The following ATAD5 variants were observed in gnomAD, a reference collection of about 807,000 sequenced individuals.
ATAD5 encodes ATPase family AAA domain containing 5, also known as ATPase family AAA domain-containing protein 5.
In ATAD5, 58 loss-of-function variants were observed where a neutral mutation model predicts 176.9. That is an observed-to-expected ratio of 0.33 (90% CI 0.27 to 0.41). The LOEUF (loss-of-function observed/expected upper bound fraction) is 0.41. Among genes scored for constraint, ATAD5 ranks in the 10% least tolerant of loss-of-function variants. ATAD5 has a pLI of 1.00. For synonymous variants in ATAD5, 640 were observed against 712.6 expected, an observed-to-expected ratio of 0.90 and a Z score of 1.62; for missense variants, 1,789 against 2,094.1, an observed-to-expected ratio of 0.85 and a Z score of 2.84.
intron 11 of ATAD5, 42 bp from the exon 12 acceptor site, chr17:30,868,291 C>G (rs977570927): frequency 3.4e-6 from 5 of 1,476,304 alleles, no homozygotes; most frequent in Non-Finnish European, 4.6e-6. Flanking sequence ...TAAGGCATAG[C>G]TATATTCTGT....
At chr17:30,854,593 A>C (rs1907182856) in intron 6 of ATAD5, among the ~76,000 whole-genome samples, 3 of 151,606 alleles carry the variant, frequency 2.0e-5, no homozygotes, top group Middle Eastern at 3.4e-3. Context: ...GCTGGTCTCA[A>C]ACTCCTGACC....
chr17:30,865,053 G>A (rs749001237), intron 10 of ATAD5: 1 of 149,478 alleles, frequency 6.7e-6, no homozygotes, highest in Non-Finnish European at 1.5e-5. Flanking sequence ...AAACATGTGA[G>A]TACATGTGTC....
intron 10 of ATAD5, 74 bp from the exon 11 acceptor site, chr17:30,865,630 A>ATT: frequency 1.1e-6 from 1 of 878,682 alleles, no homozygotes; most frequent in Non-Finnish European, 1.7e-6. Flanking sequence ...TGTAACAATA[A>ATT]TGTAAATGAC....
chr17:30,845,385 AAAG>A (rs1404550902), intron 6 of ATAD5, among the ~76,000 whole-genome samples: 1 of 152,214 alleles, frequency 6.6e-6, no homozygotes, highest in Non-Finnish European at 1.5e-5. Context: ...TGGTCTGATT[AAAG>A]AAGACTTCAA....
At chr17:30,892,568 A>G (rs767201173) in intron 19 of ATAD5, 39 bp from the exon 20 acceptor site, 1 of 1,387,738 alleles carries the variant, frequency 7.2e-7, no homozygotes, top group Non-Finnish European at 9.6e-7. Context: ...CAATTTGTTT[A>G]ATACATATAT....
Position 30,834,903 on chromosome 17 carries a change from C to T in ATAD5, c.822C>T (p.His274=). 1 of 1,613,562 alleles carries T rather than the reference C, an allele frequency of 6.2e-7. No homozygotes were observed. Among genetic ancestry groups the T allele is most frequent in the South Asian group, 1.1e-5 (1 of 90,912 alleles). ...TVSYEEFLKS[H]KENKVEEIPD... ...CATATGAGGAATTTTTAAAAAGTCA[C>T]AAGGAAAATAAAGTGGAAGAGATAC... Residue 274 remains histidine, a synonymous_variant, in exon 2 of 23, where the codon CAC becomes CAT. Coordinates refer to ENST00000321990, the MANE Select transcript of ATAD5 (RefSeq NM_024857.5).
At chr17:30,891,528 T>C (rs1909638104) in intron 19 of ATAD5, among the ~76,000 whole-genome samples, 2 of 150,430 alleles carry the variant, frequency 1.3e-5, no homozygotes, top group South Asian at 4.2e-4. Flanking sequence ...CGCACCACTA[T>C]GCCCAGCTAA....
chr17:30,879,401 T>TTTG, intron 17 of ATAD5, 22 bp from the exon 18 acceptor site: 5 of 1,352,256 alleles, frequency 3.7e-6, no homozygotes, highest in Non-Finnish European at 5.1e-6. Context: ...TTTTTTTTTT[T>TTTG]TGTGTGTGTG....
intron 6 of ATAD5, among the ~76,000 whole-genome samples, chr17:30,848,455 T>C (rs1906669259): frequency 1.3e-5 from 2 of 152,140 alleles, no homozygotes; most frequent in African/African-American, 4.8e-5. Flanking sequence ...GACAGGGTTT[T>C]GCCATGTTGC....
chr17:30,869,130 T>TA, intron 12 of ATAD5, 118 bp from the exon 13 acceptor site: 1 of 1,246,072 alleles, frequency 8.0e-7, no homozygotes, highest in South Asian at 1.5e-5. Context: ...CCGGCCTGTA[T>TA]AAAGTAATTT....
rs368437560 is a variant in ATAD5 at position 30,893,716 on chromosome 17, G to A, written c.4863G>A (p.Glu1621=). 2 of 1,613,722 alleles carry A rather than the reference G, an allele frequency of 1.2e-6. No homozygotes were observed. Among genetic ancestry groups the A allele is most frequent in the African/African-American group, 1.3e-5 (1 of 74,888 alleles). Residue 1621 remains glutamate (E), a synonymous_variant, in exon 21 of 23, where the codon GAG becomes GAA. Transcript: ENST00000321990. ...CCAGAGACAAAGGAAACAATCCAGA[G>A]ACAAAGAAATCTATTCCTTGTCCTC... ...SKARDKGNNP[E]TKKSIPCPPK...
chr17:30,883,972 A>AACAGTGT (rs1431758625), intron 18 of ATAD5, among the ~76,000 whole-genome samples: 3 of 152,206 alleles, frequency 2.0e-5, no homozygotes, highest in Non-Finnish European at 4.4e-5. Flanking sequence ...AAGAACACGT[A>AACAGTGT]ACAGTGTACA....
At chr17:30,892,448 T>G (rs975515805) in intron 19 of ATAD5, among the ~76,000 whole-genome samples, 159 bp from the exon 20 acceptor site, 3 of 148,364 alleles carry the variant, frequency 2.0e-5, no homozygotes, top group African/African-American at 7.4e-5. Flanking sequence ...AAAAAAAGAA[T>G]AATGCTTATA....
Position 30,852,077 on chromosome 17 carries a change from T to G in ATAD5, c.2451-3066T>G, listed in dbSNP as rs146280753. On this transcript the variant is annotated intron_variant, in intron 6 of 22. Transcript: ENST00000321990. ...TAACCACATGATGATGGTTTCCAAA[T>G]GGCAATTCTCTATTGCAGTCATTCT... Among the ~76,000 whole-genome samples the G allele has an allele frequency of 2.6e-3, 400 of 152,334 alleles. 3 individuals are homozygous for G. The highest frequency in any genetic ancestry group is 9.3e-3 in the African/African-American group (388 of 41,582).
At chr17:30,860,352 A>G in intron 9 of ATAD5, 81 bp from the exon 10 acceptor site, 4 of 1,465,674 alleles carry the variant, frequency 2.7e-6, no homozygotes, top group Non-Finnish European at 2.8e-6. Flanking sequence ...TTACAAGACT[A>G]TTGGATACTT....
rs1313247794 is a variant in ATAD5 at position 30,850,899 on chromosome 17, T to TG, written c.2451-4244_2451-4243insG. Among the ~76,000 whole-genome samples the TG allele has an allele frequency of 3.8e-3, 229 of 59,990 alleles. 9 individuals carry two copies. The highest frequency in any genetic ancestry group is 0.01 in the Middle Eastern group (1 of 98). 39.4% of individuals were successfully genotyped at this position (59,990 alleles called of 152,430 possible). On this transcript the variant is annotated intron_variant, in intron 6 of 22. Transcript: ENST00000321990. ...TTTTTTTTTTTTTTTTTTTTTTTTTTTTTGAGATAGAGTCTTGCTCTGTCA... is the reference window on the plus strand; with the variant it reads ...TTTTTTTTTTTTTTTTTTTTTTTTTTGTTTGAGATAGAGTCTTGCTCTGTCA...
chr17:30,890,625 G>A (rs1423033302), intron 19 of ATAD5, among the ~76,000 whole-genome samples: 1 of 151,534 alleles, frequency 6.6e-6, no homozygotes, highest in Non-Finnish European at 1.5e-5. Context: ...GTTTCACTGA[G>A]TTAGCCAGGA....
Position 30,853,453 on chromosome 17 carries a change from G to A in ATAD5, c.2451-1690G>A, listed in dbSNP as rs1041666359. The stretch of plus-strand genomic sequence containing the variant: ...AACTTTACCCATCTTCCTCCTTCCC[G>A]CCAATTAACAGTTAAAAAAAATACA... On this transcript the variant is annotated intron_variant, in intron 6 of 22. Coordinates refer to ENST00000321990, the MANE Select transcript of ATAD5 (RefSeq NM_024857.5). Among the ~76,000 whole-genome samples the A allele has an allele frequency of 5.3e-5, 8 of 151,118 alleles. No homozygotes were observed. The East Asian group carries it at 9.7e-4, about 18-fold the overall frequency.
intron 18 of ATAD5, among the ~76,000 whole-genome samples, chr17:30,883,531 G>T (rs551786021): frequency 7.9e-5 from 12 of 152,018 alleles, no homozygotes; most frequent in Non-Finnish European, 1.6e-4. Flanking sequence ...TGTTGTAAAA[G>T]AAATGTAGTA....
Sources: allele counts gnomAD v4.1 joint callset (sites outside exome capture counted in the v4.1 genomes callset), GRCh38; gene constraint gnomAD v4.1.1; transcripts MANE v1.5; gene names NCBI Gene and HGNC (gene_info 2026-07-23, HGNC 2026-07-21).